Variants in ROBO2 observed in about 807,000 individuals in gnomAD.
ROBO2 encodes roundabout guidance receptor 2, also known as roundabout homolog 2.
In ROBO2, 53 loss-of-function variants were observed where a neutral mutation model predicts 160.8. That is an observed-to-expected ratio of 0.33 (90% CI 0.26 to 0.41). ROBO2 has a LOEUF of 0.41. ROBO2 is among the 10% of genes least tolerant of loss of function. The probability of loss-of-function intolerance (pLI) is 1.00; values close to 1 mark genes in which losing one functional copy is unlikely to be tolerated. For missense variants in ROBO2, 1,577 were observed against 1,722.4 expected, an observed-to-expected ratio of 0.92 and a Z score of 1.49; for synonymous variants, 664 against 611.7, an observed-to-expected ratio of 1.09 and a Z score of -1.26.
rs562233225 is a variant in ROBO2 at position 76,699,048 on chromosome 3, C to T, written c.110-398966C>T. 1.1e-4 allele frequency among the ~76,000 whole-genome samples: 16 copies of T among 152,170 alleles called. No homozygotes were observed. The South Asian group carries it at 3.3e-3, about 32-fold the overall frequency. On this transcript the variant is annotated intron_variant, in intron 2 of 26. Coordinates refer to the ROBO2 transcript ENST00000487694. The stretch of plus-strand genomic sequence containing the variant: ...CTGATTTCTTACTTGACACAAATGA[C>T]AGAAATTTAAATACAAATATAACTG...
At chr3:77,377,942 G>A (rs1259467103) in intron 2 of ROBO2, among the ~76,000 whole-genome samples, 1 of 152,008 alleles carries the variant, frequency 6.6e-6, no homozygotes, top group Non-Finnish European at 1.5e-5. Flanking sequence ...CAGAGGTGAG[G>A]GATAATTTTT....
chr3:76,424,207 T>C (rs554113448), intron 2 of ROBO2, among the ~76,000 whole-genome samples: 1 of 152,348 alleles, frequency 6.6e-6, no homozygotes, highest in East Asian at 1.9e-4. Flanking sequence ...AAAATATTAT[T>C]CAATACTTAT....
At chr3:77,499,349 A>T (rs2087217181) in intron 5 of ROBO2, among the ~76,000 whole-genome samples, 1 of 152,172 alleles carries the variant, frequency 6.6e-6, no homozygotes, top group South Asian at 2.1e-4. Flanking sequence ...CTATATTTTT[A>T]CTGATCTTAT....
intron 2 of ROBO2, among the ~76,000 whole-genome samples, chr3:77,452,470 T>A (rs561211428): frequency 6.6e-5 from 10 of 152,184 alleles, no homozygotes; most frequent in Admixed American, 4.6e-4. Flanking sequence ...TGCTTATAAG[T>A]GCAGCAGACA....
rs188398484 is a variant in ROBO2 at position 77,011,278 on chromosome 3, G to A, written c.110-86736G>A. On this transcript the variant is annotated intron_variant, in intron 2 of 26. Coordinates refer to the ROBO2 transcript ENST00000487694. ...TTTTGTTTGCTATCGTATATTTAGT[G>A]CCTAGTTCAGGGTCTCCCCTATAGT... Among the ~76,000 whole-genome samples, 386 of 152,026 alleles carry A rather than the reference G, an allele frequency of 2.5e-3. 2 individuals carry two copies. The highest frequency in any genetic ancestry group is 3.9e-3 in the Non-Finnish European group (267 of 68,014).
chr3:77,397,451 A>G (rs2075385720), intron 2 of ROBO2, among the ~76,000 whole-genome samples: 1 of 152,120 alleles, frequency 6.6e-6, no homozygotes, highest in African/African-American at 2.4e-5. Flanking sequence ...CCATCATAAC[A>G]TGTGCTCTTA....
chr3:76,130,158 A>G (rs1311808849), intron 2 of ROBO2, among the ~76,000 whole-genome samples: 1 of 152,052 alleles, frequency 6.6e-6, no homozygotes, highest in Non-Finnish European at 1.5e-5. Context: ...TTTTCTTATA[A>G]GCTCTGCAGA....
chr3:76,038,505 A>C (rs2067184365), intron 2 of ROBO2, among the ~76,000 whole-genome samples: 1 of 151,896 alleles, frequency 6.6e-6, no homozygotes, highest in Non-Finnish European at 1.5e-5. Flanking sequence ...CCCATGACTG[A>C]TCAATATAGG....
intron 2 of ROBO2, among the ~76,000 whole-genome samples, chr3:77,181,484 C>T (rs1579716260): frequency 6.6e-6 from 1 of 151,862 alleles, no homozygotes; most frequent in Non-Finnish European, 1.5e-5. Context: ...AATTTTATTT[C>T]GGTATATAAT....
At chr3:76,586,052 T>C (rs897127847) in intron 2 of ROBO2, among the ~76,000 whole-genome samples, 10 of 152,178 alleles carry the variant, frequency 6.6e-5, no homozygotes, top group Admixed American at 1.3e-4. Flanking sequence ...CAACAGTGAA[T>C]TAGAGGTATC....
intron 2 of ROBO2, among the ~76,000 whole-genome samples, chr3:76,796,761 T>C (rs1560576969): frequency 6.6e-6 from 1 of 152,004 alleles, no homozygotes; most frequent in Non-Finnish European, 1.5e-5. Flanking sequence ...AAAAAAGATA[T>C]TCCATGCAAA....
At chr3:76,735,772 AAAAG>A (rs1180029199) in intron 2 of ROBO2, among the ~76,000 whole-genome samples, 1,293 of 42,500 alleles carry the variant, frequency 0.03, 90 homozygotes, top group African/African-American at 0.057. Flanking sequence ...AAAAAAAAAA[AAAAG>A]AAAAAAAAAA....
chr3:76,579,479 CT>C (rs1447020267), intron 2 of ROBO2, among the ~76,000 whole-genome samples: 1 of 151,920 alleles, frequency 6.6e-6, no homozygotes. Context: ...ATAAATATTT[CT>C]TGAAGAAATG....
intron 2 of ROBO2, among the ~76,000 whole-genome samples, chr3:76,589,948 T>C (rs984791770): frequency 3.9e-5 from 6 of 152,202 alleles, no homozygotes; most frequent in African/African-American, 1.4e-4. Context: ...CCTCCACCTT[T>C]AGGCAGACAG....
At chr3:77,113,818 A>C (rs2073930151) in intron 2 of ROBO2, among the ~76,000 whole-genome samples, 1 of 152,240 alleles carries the variant, frequency 6.6e-6, no homozygotes, top group African/African-American at 2.4e-5. Flanking sequence ...CTTTCTCATA[A>C]GAAATGAATA....
intron 2 of ROBO2, among the ~76,000 whole-genome samples, chr3:76,444,644 C>A (rs942749509): frequency 6.6e-6 from 1 of 152,140 alleles, no homozygotes; most frequent in Non-Finnish European, 1.5e-5. Context: ...CATGGGGGAA[C>A]CACCTCCATG....
intron 2 of ROBO2, among the ~76,000 whole-genome samples, chr3:76,510,110 T>G (rs2081005987): frequency 1.3e-5 from 2 of 152,168 alleles, no homozygotes; most frequent in Admixed American, 6.5e-5. Flanking sequence ...TTCCCTATGA[T>G]GCCCTACATG....
At chr3:76,400,227 ACACT>A (rs1559885203) in intron 2 of ROBO2, among the ~76,000 whole-genome samples, 1 of 151,630 alleles carries the variant, frequency 6.6e-6, no homozygotes, top group Non-Finnish European at 1.5e-5. Context: ...AGATATCTAG[ACACT>A]TATTGAATTG....
intron 2 of ROBO2, among the ~76,000 whole-genome samples, chr3:76,734,584 C>G (rs2093681467): frequency 6.6e-6 from 1 of 152,164 alleles, no homozygotes; most frequent in East Asian, 1.9e-4. Context: ...TGGCTCTTAA[C>G]CTGAGCCAGG....
Sources: gnomAD v4.1 joint callset for allele counts (sites outside exome capture counted in the v4.1 genomes callset) on GRCh38, gnomAD v4.1.1 for gene constraint, MANE v1.5 for transcripts, NCBI Gene and HGNC (gene_info 2026-07-23, HGNC 2026-07-21) for gene names.